LINGO1: variants seen among roughly 807,000 people sequenced by gnomAD.
LINGO1 encodes leucine rich repeat and Ig domain containing 1.
Under a neutral mutation model 37.3 loss-of-function variants are expected in LINGO1, and 11 were observed. The observed-to-expected ratio is 0.29, with a 90% CI of 0.19 to 0.49. LINGO1 has a LOEUF of 0.49. Ranked by LOEUF, LINGO1 falls within the 20% of genes least tolerant of loss-of-function variation. The pLI, the probability that LINGO1 is intolerant of heterozygous loss-of-function variation, is 0.99. For synonymous variants in LINGO1, 387 were observed against 403.0 expected (o/e 0.96, Z 0.48); for missense variants, 585 against 878.2 (o/e 0.67, Z 4.22).
At chr15:77,794,124 G>A (rs562651631) in intron 2 of LINGO1, among the ~76,000 whole-genome samples, 7 of 152,118 alleles carry the variant, frequency 4.6e-5, no homozygotes, top group East Asian at 3.9e-4. Flanking sequence ...GGCTGCTCAC[G>A]CTCCTGCCCC....
At chr15:77,648,194 T>C (rs1257131303) in intron 3 of LINGO1, 1 of 317,554 alleles carries the variant, frequency 3.1e-6, no homozygotes, top group East Asian at 9.0e-5. Context: ...AATTGTAGTA[T>C]TAACATACAA....
At chr15:77,787,507 C>T (rs2141438509), upstream of LINGO1, among the ~76,000 whole-genome samples, 1 of 151,592 alleles carries the variant, frequency 6.6e-6, no homozygotes. Flanking sequence ...CACAGGGGTC[C>T]CGGTGGAGGG....
chr15:77,782,504 G>A (rs1409096383), intron 1 of LINGO1, among the ~76,000 whole-genome samples: 3 of 152,302 alleles, frequency 2.0e-5, no homozygotes, highest in South Asian at 4.1e-4. Context: ...GAAGGTCCCC[G>A]ATGCTGACCG....
upstream of LINGO1, among the ~76,000 whole-genome samples, chr15:77,638,888 C>T (rs1284945183): frequency 4.6e-5 from 7 of 152,190 alleles, no homozygotes; most frequent in Non-Finnish European, 8.8e-5. Flanking sequence ...TCAGTGGACC[C>T]ACTTTTAGTG....
rs2074719275 is a variant in LINGO1 at position 77,649,831 on chromosome 15, G to GT, written c.-13+27257_-13+27258insA. 6.6e-5 allele frequency among the ~76,000 whole-genome samples: 10 copies of GT among 152,308 alleles called. No individual in the cohort carries two copies. The South Asian group carries it at 2.1e-3, about 32-fold the overall frequency. On this transcript the variant is annotated intron_variant, in intron 3 of 3. Coordinates refer to the LINGO1 transcript ENST00000559893. Reference sequence around the variant, plus strand: ...TGGCTGGGCAGGTGATAGCCACCAAGGGGAGAGTGGAGATGATGAAAGGGT... The same window carrying GT: ...TGGCTGGGCAGGTGATAGCCACCAAGTGGGAGAGTGGAGATGATGAAAGGGT...
intron 1 of LINGO1, among the ~76,000 whole-genome samples, chr15:77,777,350 C>A (rs2076667587): frequency 7.2e-6 from 1 of 139,718 alleles, no homozygotes; most frequent in Admixed American, 7.2e-5. Flanking sequence ...CATACACACA[C>A]ACACACACGC....
upstream of LINGO1, among the ~76,000 whole-genome samples, chr15:77,791,851 G>A (rs140029947): frequency 7.0e-3 from 1,061 of 152,194 alleles, 12 homozygotes; most frequent in African/African-American, 0.025. Flanking sequence ...CTGGGAGGGC[G>A]AGCTGGTAGC....
At chr15:77,787,524 C>A (rs62007830), upstream of LINGO1, among the ~76,000 whole-genome samples, 1 of 149,546 alleles carries the variant, frequency 6.7e-6, no homozygotes, top group African/African-American at 2.5e-5. Context: ...AGGGTTCCCA[C>A]GCATGCGGCT....
chr15:77,730,303 G>A lies in LINGO1; in HGVS notation c.-195+4689C>T, dbSNP rs146726666. On this transcript the variant is annotated intron_variant, in intron 2 of 3. Transcript: ENST00000561686. ...ATTTATCCCCTAACAGCCCTGTGAG[G>A]TGGGTTCTGCTATCATTTTCCTGTT... Among the ~76,000 whole-genome samples, 49 of 152,286 alleles carry A rather than the reference G, an allele frequency of 3.2e-4. No individual in the cohort carries two copies. The East Asian group carries it at 8.1e-3, about 25-fold the overall frequency.
intron 2 of LINGO1, among the ~76,000 whole-genome samples, chr15:77,719,875 C>CAT (rs1363788773): frequency 1.9e-5 from 2 of 105,054 alleles, no homozygotes; most frequent in Admixed American, 2.6e-4. Context: ...CATGTGCATG[C>CAT]ATACACACAC....
chr15:77,615,709 G>C lies in LINGO1; in HGVS notation c.198C>G (p.Pro66=). The C allele has an allele frequency of 6.3e-7, 1 of 1,598,262 alleles. No individual in the cohort carries two copies. The highest frequency in any genetic ancestry group is 8.5e-7 in the Non-Finnish European group (1 of 1,173,818). Residue 66 remains proline (P), a synonymous_variant, in exon 2 of 2, where the codon CCC becomes CCG. Transcript: ENST00000355300. ...LCHRKRFVAV[P]EGIPTETRLL... The stretch of plus-strand genomic sequence containing the variant: ...GGCGCGTCTCGGTGGGGATGCCCTC[G>C]GGGACTGCCACAAAGCGCTTGCGGT...
At chr15:77,677,343 C>T (rs1485218690) in intron 2 of LINGO1, among the ~76,000 whole-genome samples, 1 of 152,096 alleles carries the variant, frequency 6.6e-6, no homozygotes, top group African/African-American at 2.4e-5. Context: ...CATCCCTACC[C>T]ACTTCCCAGC....
intron 1 of LINGO1, among the ~76,000 whole-genome samples, chr15:77,776,556 G>GGCAGGAAAGCAGGAAGGCAGGACAGCA (rs1307931922): frequency 6.6e-6 from 1 of 150,660 alleles, no homozygotes; most frequent in Non-Finnish European, 1.5e-5. Context: ...GAGGGAGGGA[G>GGCAGGAAAGCAGGAAGGCAGGACAGCA]GGAGCTGACT....
intron 1 of LINGO1, among the ~76,000 whole-genome samples, chr15:77,768,590 T>C (rs1479115881): frequency 1.3e-5 from 2 of 152,044 alleles, no homozygotes; most frequent in African/African-American, 4.8e-5. Flanking sequence ...GTTGGGACAG[T>C]GACAGAGACC....
intron 1 of LINGO1, among the ~76,000 whole-genome samples, chr15:77,810,275 CACAT>C (rs2076994127): frequency 8.2e-6 from 1 of 121,460 alleles, no homozygotes; most frequent in Non-Finnish European, 2.0e-5. Context: ...CACTCACACA[CACAT>C]ACACAAGCAC....
rs147050481 is a variant in LINGO1 at position 77,739,878 on chromosome 15, C to A, written c.-256-4825G>T. On this transcript the variant is annotated intron_variant, in intron 1 of 3. Transcript: ENST00000561686. ...GCTTCCTGGAGGTCTGTGCCTCCCC[C>A]CAATGCATCAGCCAGCAGCCCCTCC... 7.7e-4 allele frequency among the ~76,000 whole-genome samples: 117 copies of A among 152,346 alleles called. No individual in the cohort carries two copies. In the Middle Eastern group the frequency reaches 0.01, roughly 13 times the overall value.
intron 1 of LINGO1, among the ~76,000 whole-genome samples, chr15:77,750,441 C>T (rs1006923339): frequency 2.6e-5 from 4 of 152,244 alleles, no homozygotes; most frequent in South Asian, 4.1e-4. Flanking sequence ...CACACGCACG[C>T]GCTCCAGTCC....
intron 1 of LINGO1, among the ~76,000 whole-genome samples, chr15:77,763,627 G>C (rs1176353092): frequency 2.0e-5 from 3 of 151,974 alleles, no homozygotes; most frequent in Admixed American, 2.0e-4. Flanking sequence ...TCTTCCACCT[G>C]AGAGCACCTT....
Position 77,729,289 on chromosome 15 carries a change from A to C in LINGO1, c.-195+5703T>G, listed in dbSNP as rs557041992. ...AGGGCTGAGCTAGGCTCAGGATTAGAGATCAGAGGCCAGGTGCAGGGAGGC... is the reference window on the plus strand; with the variant it reads ...AGGGCTGAGCTAGGCTCAGGATTAGCGATCAGAGGCCAGGTGCAGGGAGGC... On this transcript the variant is annotated intron_variant, in intron 2 of 3. Transcript: ENST00000561686. Among the ~76,000 whole-genome samples, 7 of 152,318 alleles carry C rather than the reference A, an allele frequency of 4.6e-5. No homozygotes were observed. The South Asian group carries it at 1.5e-3, about 32-fold the overall frequency.
Sources: allele counts gnomAD v4.1 joint callset (sites outside exome capture counted in the v4.1 genomes callset), GRCh38; gene constraint gnomAD v4.1.1; transcripts MANE v1.5; gene names NCBI Gene and HGNC (gene_info 2026-07-23, HGNC 2026-07-21).